The following ADAMTSL3 variants were observed in gnomAD, a reference collection of about 807,000 sequenced individuals.
ADAMTSL3 encodes the protein ADAMTS-like protein 3.
ADAMTSL3 carries 128 observed loss-of-function variants against 201.7 expected under a neutral mutation model. That is an observed-to-expected ratio of 0.63 (90% CI 0.55 to 0.73). The LOEUF (loss-of-function observed/expected upper bound fraction) is 0.73, where lower values mean the gene tolerates loss of function less well. ADAMTSL3 is among the 30% of genes least tolerant of loss of function. The probability of loss-of-function intolerance (pLI) is 0.00; values close to 1 mark genes in which losing one functional copy is unlikely to be tolerated. For synonymous variants in ADAMTSL3, 738 were observed against 748.4 expected, an observed-to-expected ratio of 0.99 and a Z score of 0.23; for missense variants, 1,990 against 2,119.6, an observed-to-expected ratio of 0.94 and a Z score of 1.20.
At chr15:83,736,704 G>T (rs1214954817) in intron 3 of ADAMTSL3, among the ~76,000 whole-genome samples, 1 of 152,148 alleles carries the variant, frequency 6.6e-6, no homozygotes, top group East Asian at 1.9e-4. Flanking sequence ...TCTTTCCTAG[G>T]TAGGTAGCGG....
At chr15:83,675,170 A>G (rs1021196179) in intron 2 of ADAMTSL3, among the ~76,000 whole-genome samples, 70 of 152,048 alleles carry the variant, frequency 4.6e-4, no homozygotes, top group African/African-American at 1.5e-3. Flanking sequence ...TTCTCTACAT[A>G]GACAAAGGGA....
intron 20 of ADAMTSL3, among the ~76,000 whole-genome samples, chr15:83,981,221 C>A (rs2067379744): frequency 6.6e-6 from 1 of 152,216 alleles, no homozygotes; most frequent in Non-Finnish European, 1.5e-5. Context: ...ACACATTGAG[C>A]CTTCTCTCAG....
At chr15:83,905,004 A>C (rs981887730) in intron 15 of ADAMTSL3, among the ~76,000 whole-genome samples, 1 of 152,206 alleles carries the variant, frequency 6.6e-6, no homozygotes. Context: ...TTCTACGTGG[A>C]TTAAGTTGTT....
intron 19 of ADAMTSL3, among the ~76,000 whole-genome samples, chr15:83,955,231 C>T (rs908301281): frequency 6.6e-6 from 1 of 152,220 alleles, no homozygotes; most frequent in Non-Finnish European, 1.5e-5. Flanking sequence ...TGAAACCATA[C>T]AACAAAATCC....
chr15:84,026,010 G>A (rs938001283), intron 27 of ADAMTSL3, among the ~76,000 whole-genome samples: 1 of 152,102 alleles, frequency 6.6e-6, no homozygotes, highest in Non-Finnish European at 1.5e-5. Flanking sequence ...AGAACTTTTT[G>A]TGGAATTAAA....
intron 23 of ADAMTSL3, among the ~76,000 whole-genome samples, chr15:84,011,553 C>T (rs1352896069): frequency 1.3e-5 from 2 of 152,102 alleles, no homozygotes; most frequent in Non-Finnish European, 2.9e-5. Context: ...TTCAGTCTAA[C>T]GTACCTGCTA....
At chr15:83,998,040 A>AT (rs1567291889) in intron 23 of ADAMTSL3, among the ~76,000 whole-genome samples, 2 of 152,100 alleles carry the variant, frequency 1.3e-5, no homozygotes, top group East Asian at 3.9e-4. Context: ...AAAAAAAAAA[A>AT]CAAAAAAACT....
At chr15:83,773,408 TAA>T (rs879149949) in intron 3 of ADAMTSL3, 113 bp from the exon 4 acceptor site, 313 of 972,350 alleles carry the variant, frequency 3.2e-4, no homozygotes, top group Middle Eastern at 7.3e-4. Flanking sequence ...CTGTCTCAAT[TAA>T]AAAAAAAAAG....
intron 4 of ADAMTSL3, among the ~76,000 whole-genome samples, chr15:83,795,540 G>A (rs1942460255): frequency 1.3e-5 from 2 of 152,018 alleles, no homozygotes; most frequent in African/African-American, 2.4e-5. Context: ...GACCCTTGAG[G>A]TCCAGACACT....
At chr15:83,784,069 C>T (rs59675118) in intron 4 of ADAMTSL3, among the ~76,000 whole-genome samples, 2,015 of 152,272 alleles carry the variant, frequency 0.013, 34 homozygotes, top group African/African-American at 0.046. Context: ...CAAGAAAAAA[C>T]ATTGCCTTTG....
intron 5 of ADAMTSL3, among the ~76,000 whole-genome samples, chr15:83,817,096 T>C (rs1196289147): frequency 6.6e-6 from 1 of 152,348 alleles, no homozygotes; most frequent in East Asian, 1.9e-4. Context: ...GGATGCAATA[T>C]AGGATTTTGG....
Position 83,983,317 on chromosome 15 carries a change from A to G in ADAMTSL3, c.3689A>G (p.Asp1230Gly), listed in dbSNP as rs769760898. The stretch of plus-strand genomic sequence containing the variant: ...GAGGCCACATATACATGGACCAAGG[A>G]TGGAACCTTGTTACAGCCCTCAGTA... Reference protein sequence around the residue: ...PSEATYTWTKDGTLLQPSVKI... With the variant: ...PSEATYTWTKGGTLLQPSVKI... Residue 1230 changes from aspartate to glycine, a missense_variant, in exon 21 of 30, where the codon GAT becomes GGT. Coordinates refer to ENST00000286744, the MANE Select transcript of ADAMTSL3 (RefSeq NM_207517.3). 3.2e-6 allele frequency: 5 copies of G among 1,546,606 alleles called. No individual in the cohort carries two copies. The highest frequency in any genetic ancestry group is 2.8e-5 in the African/African-American group (2 of 72,382).
chr15:83,693,930 G>A (rs1055906809), intron 2 of ADAMTSL3, among the ~76,000 whole-genome samples: 5 of 152,192 alleles, frequency 3.3e-5, no homozygotes, highest in Admixed American at 6.5e-5. Flanking sequence ...TTCTCCCCCC[G>A]CAACCATTTG....
chr15:83,976,009 A>G (rs1425526356), intron 20 of ADAMTSL3, among the ~76,000 whole-genome samples: 1 of 152,214 alleles, frequency 6.6e-6, no homozygotes, highest in African/African-American at 2.4e-5. Context: ...GTGAGAGAGC[A>G]TGAGAGTAGA....
rs73443157 is a variant in ADAMTSL3 at position 83,971,625 on chromosome 15, C to T, written c.2644+988C>T. 3.7e-3 allele frequency among the ~76,000 whole-genome samples: 551 copies of T among 148,744 alleles called. 6 individuals carry two copies. The highest frequency in any genetic ancestry group is 0.013 in the African/African-American group (529 of 40,434). On this transcript the variant is annotated intron_variant, in intron 20 of 29. Coordinates refer to ENST00000286744, the MANE Select transcript of ADAMTSL3 (RefSeq NM_207517.3). ...TGTGTTAAAACATGTAAGCCGAGGG[C>T]GGCCATGACAGCCATGACAGCAATT... is the stretch of plus-strand genomic sequence containing the variant.
At chr15:83,789,525 C>A (rs929005925) in intron 4 of ADAMTSL3, among the ~76,000 whole-genome samples, 3 of 152,038 alleles carry the variant, frequency 2.0e-5, no homozygotes, top group Non-Finnish European at 2.9e-5. Flanking sequence ...AGGAAAGGAG[C>A]TATGAGCTTA....
intron 19 of ADAMTSL3, among the ~76,000 whole-genome samples, chr15:83,963,701 C>G (rs1395357488): frequency 6.6e-6 from 1 of 152,238 alleles, no homozygotes; most frequent in Non-Finnish European, 1.5e-5. Flanking sequence ...GACCCCTGCA[C>G]CTCCTGATGG....
intron 2 of ADAMTSL3, among the ~76,000 whole-genome samples, chr15:83,667,273 G>A (rs1482878336): frequency 6.6e-6 from 1 of 151,984 alleles, no homozygotes; most frequent in Non-Finnish European, 1.5e-5. Context: ...CCTTTGTAAT[G>A]TGTTGGTATC....
chr15:83,845,922 C>G (rs2064488475), intron 7 of ADAMTSL3, among the ~76,000 whole-genome samples: 1 of 152,162 alleles, frequency 6.6e-6, no homozygotes, highest in Non-Finnish European at 1.5e-5. Flanking sequence ...GTGAGCTCCT[C>G]AAGAACCTCA....
Sources: gnomAD v4.1 joint callset for allele counts (sites outside exome capture counted in the v4.1 genomes callset) on GRCh38, gnomAD v4.1.1 for gene constraint, MANE v1.5 for transcripts, NCBI Gene and HGNC (gene_info 2026-07-23, HGNC 2026-07-21) for gene names.